The following ANO3 variants were observed in gnomAD, a reference collection of about 807,000 sequenced individuals.
The protein encoded by ANO3 is anoctamin-3.
A neutral mutation model predicts 144.8 loss-of-function variants in ANO3; 99 were observed. The observed-to-expected ratio is 0.68, with a 90% CI of 0.58 to 0.81. The LOEUF (loss-of-function observed/expected upper bound fraction) is 0.81, where lower values mean the gene tolerates loss of function less well. Ranked by LOEUF, ANO3 falls within the 30% of genes least tolerant of loss-of-function variation. The pLI, the probability that ANO3 is intolerant of heterozygous loss-of-function variation, is 0.00. For missense variants in ANO3, 905 were observed against 1,202.2 expected, an observed-to-expected ratio of 0.75 and a Z score of 3.66; for synonymous variants, 414 against 392.6, an observed-to-expected ratio of 1.05 and a Z score of -0.64.
At chr11:26,595,106 C>A (rs1851571095) in intron 14 of ANO3, among the ~76,000 whole-genome samples, 1 of 152,164 alleles carries the variant, frequency 6.6e-6, no homozygotes, top group Admixed American at 6.5e-5. Context: ...AGCTTTAGTC[C>A]TAGAGCGTCC....
intron 1 of ANO3, among the ~76,000 whole-genome samples, chr11:26,207,122 T>C (rs1413814736): frequency 2.6e-5 from 4 of 152,150 alleles, no homozygotes; most frequent in Non-Finnish European, 4.4e-5. Flanking sequence ...AAAGATCTAC[T>C]GTACAGCACA....
At chr11:26,596,421 A>C (rs564799101) in intron 14 of ANO3, among the ~76,000 whole-genome samples, 1 of 152,278 alleles carries the variant, frequency 6.6e-6, no homozygotes, top group East Asian at 1.9e-4. Flanking sequence ...TTGTAGACCC[A>C]GTTCCAGTTG....
At chr11:26,613,046 T>C (rs1411287751) in intron 17 of ANO3, among the ~76,000 whole-genome samples, 1 of 152,144 alleles carries the variant, frequency 6.6e-6, no homozygotes, top group African/African-American at 2.4e-5. Flanking sequence ...TATCTCCCAA[T>C]ATTTGGGAAG....
At chr11:26,215,731 T>C (rs547621804) in intron 1 of ANO3, among the ~76,000 whole-genome samples, 5 of 152,112 alleles carry the variant, frequency 3.3e-5, no homozygotes, top group Admixed American at 3.3e-4. Context: ...TATCACTATT[T>C]CTATGGGTAG....
intron 6 of ANO3, among the ~76,000 whole-genome samples, chr11:26,524,381 T>C (rs1234584862): frequency 1.3e-5 from 2 of 152,154 alleles, no homozygotes; most frequent in Non-Finnish European, 2.9e-5. Context: ...TGCAGTGAAA[T>C]ATGGTATCTC....
At chr11:26,544,772 C>A (rs1849744881) in intron 11 of ANO3, among the ~76,000 whole-genome samples, 1 of 151,934 alleles carries the variant, frequency 6.6e-6, no homozygotes, top group Admixed American at 6.6e-5. Flanking sequence ...ATTACTCTTG[C>A]TTCTTCAGGT....
At chr11:26,299,303 T>A (rs1854163797) in intron 1 of ANO3, among the ~76,000 whole-genome samples, 1 of 152,218 alleles carries the variant, frequency 6.6e-6, no homozygotes, top group African/African-American at 2.4e-5. Context: ...CCCTAATATA[T>A]CAAAGAAGCT....
intron 1 of ANO3, among the ~76,000 whole-genome samples, chr11:26,221,094 C>G (rs1368801147): frequency 1.3e-5 from 2 of 152,190 alleles, no homozygotes; most frequent in Non-Finnish European, 2.9e-5. Context: ...GGGTTAGCAA[C>G]AGGACAGGTC....
chr11:26,459,918 CCTG>C (rs1859320438), intron 3 of ANO3, among the ~76,000 whole-genome samples: 1 of 151,956 alleles, frequency 6.6e-6, no homozygotes, highest in Non-Finnish European at 1.5e-5. Flanking sequence ...AAGGAACATT[CCTG>C]CTAACACAGA....
intron 1 of ANO3, among the ~76,000 whole-genome samples, chr11:26,211,614 G>T (rs539730440): frequency 1.9e-4 from 29 of 152,260 alleles, no homozygotes; most frequent in African/African-American, 6.3e-4. Flanking sequence ...ATGTTGGTGG[G>T]CGTGTAAATT....
At chr11:26,222,895 T>C (rs1852177351) in intron 1 of ANO3, among the ~76,000 whole-genome samples, 1 of 152,142 alleles carries the variant, frequency 6.6e-6, no homozygotes, top group Non-Finnish European at 1.5e-5. Context: ...TCTGGACCTG[T>C]GGTGGGAAGA....
At chr11:26,520,860 T>C (rs1181743344) in intron 6 of ANO3, among the ~76,000 whole-genome samples, 1 of 152,132 alleles carries the variant, frequency 6.6e-6, no homozygotes. Context: ...AAATCTTGTC[T>C]TGGATATTTT....
intron 4 of ANO3, among the ~76,000 whole-genome samples, chr11:26,488,803 C>T (rs1860575836): frequency 6.6e-6 from 1 of 152,162 alleles, no homozygotes; most frequent in South Asian, 2.1e-4. Flanking sequence ...AAAGCTTCCA[C>T]AGCCTCGAAA....
intron 1 of ANO3, among the ~76,000 whole-genome samples, chr11:26,294,018 G>T (rs1372678569): frequency 6.6e-6 from 1 of 152,132 alleles, no homozygotes; most frequent in Non-Finnish European, 1.5e-5. Flanking sequence ...CTCCGTGTTT[G>T]GTGGAAGAGT....
chr11:26,227,775 G>A (rs1852286269), intron 1 of ANO3, among the ~76,000 whole-genome samples: 1 of 152,122 alleles, frequency 6.6e-6, no homozygotes, highest in Non-Finnish European at 1.5e-5. Flanking sequence ...TAGCAGTTCA[G>A]ACATCCATTT....
In ANO3 at chr11:26,586,335, T is replaced by C. The variant is rs73434340; in HGVS notation, c.1448-12030T>C. 8.3e-3 allele frequency among the ~76,000 whole-genome samples: 1,208 copies of C among 145,042 alleles called. 12 individuals are homozygous for C. The highest frequency in any genetic ancestry group is 0.029 in the African/African-American group (1,152 of 39,322). On this transcript the variant is annotated intron_variant, in intron 14 of 26. Coordinates refer to ENST00000256737, the MANE Select transcript of ANO3 (RefSeq NM_031418.4). ...TCACCCCTGATTTTATCTGGGGCTG[T>C]CGTTAATGCTCCTGTATTCTTTTTT...
chr11:26,442,083 C>T lies in ANO3; in HGVS notation c.212C>T (p.Thr71Ile). The change falls in exon 2 of 27, where the codon ACC becomes ATC. Residue 71 changes from threonine (T) to isoleucine (I), a missense_variant. Transcript: ENST00000256737. Reference sequence around the variant, plus strand: ...GAATCTCAGGCTCCCACATCTATAACCTTAATCTCCACTGACAAAGCAGAG... The same window carrying T: ...GAATCTCAGGCTCCCACATCTATAATCTTAATCTCCACTGACAAAGCAGAG... ...ESESQAPTSITLISTDKAEQV... is the reference protein window; with the variant it reads ...ESESQAPTSIILISTDKAEQV... 6.2e-7 allele frequency: 1 copy of T among 1,613,690 alleles called. No individual in the cohort carries two copies.
At chr11:26,606,573 C>T (rs542604318) in intron 17 of ANO3, among the ~76,000 whole-genome samples, 1 of 150,016 alleles carries the variant, frequency 6.7e-6, no homozygotes, top group Non-Finnish European at 1.5e-5. Flanking sequence ...TCTGTTTTAT[C>T]GGAGACTAGG....
intron 3 of ANO3, among the ~76,000 whole-genome samples, chr11:26,452,038 A>G (rs1858963802): frequency 6.6e-6 from 1 of 152,152 alleles, no homozygotes; most frequent in Non-Finnish European, 1.5e-5. Flanking sequence ...TGTCTGTTAG[A>G]AGGAAAACTA....
Sources: allele counts gnomAD v4.1 joint callset (sites outside exome capture counted in the v4.1 genomes callset), GRCh38; gene constraint gnomAD v4.1.1; transcripts MANE v1.5; gene names NCBI Gene and HGNC (gene_info 2026-07-23, HGNC 2026-07-21).